ARHGAP22: variants seen among roughly 807,000 people sequenced by gnomAD.
ARHGAP22 encodes Rho GTPase activating protein 22.
A neutral mutation model predicts 59.1 loss-of-function variants in ARHGAP22; 48 were observed. The ratio of observed to expected loss-of-function variants is 0.81; its 90% CI spans 0.64 to 1.03. ARHGAP22 has a LOEUF of 1.03. Among genes scored for constraint, ARHGAP22 ranks in the 50% least tolerant of loss-of-function variants. The probability of loss-of-function intolerance (pLI) is 0.00; values close to 1 mark genes in which losing one functional copy is unlikely to be tolerated. For synonymous variants in ARHGAP22, 445 were observed against 416.4 expected (o/e 1.07, Z -0.84); for missense variants, 1,015 against 958.7 (o/e 1.06, Z -0.78).
Position 48,455,087 on chromosome 10 carries a change from C to A in ARHGAP22, c.707G>T (p.Arg236Leu), listed in dbSNP as rs748513396. 6.2e-7 allele frequency: 1 copy of A among 1,612,234 alleles called. No homozygotes were observed. Among genetic ancestry groups the A allele is most frequent in the South Asian group, 1.1e-5 (1 of 90,954 alleles). The change falls in exon 6 of 10, where the codon CGG becomes CTG. Residue 236 changes from arginine to leucine, a missense_variant. Transcript: ENST00000249601. ...GGGGACCACGGGCTCGGGGAGCTCC[C>A]GCAGGTACAGCTTCAGCAGGGAGGC... is the stretch of plus-strand genomic sequence containing the variant. Reference protein sequence around the residue: ...TVASLLKLYLRELPEPVVPFA... With the variant: ...TVASLLKLYLLELPEPVVPFA...
At chr10:48,580,030 G>GA (rs1159651024) in intron 2 of ARHGAP22, among the ~76,000 whole-genome samples, 1 of 152,174 alleles carries the variant, frequency 6.6e-6, no homozygotes, top group Non-Finnish European at 1.5e-5. Context: ...GGGGAAATGG[G>GA]AAGAAGTTTT....
chr10:48,510,061 G>T (rs572455806), intron 3 of ARHGAP22, among the ~76,000 whole-genome samples: 27 of 152,312 alleles, frequency 1.8e-4, no homozygotes, highest in African/African-American at 6.3e-4. Flanking sequence ...CCTGGGGCAA[G>T]TTTTTTACCT....
At chr10:48,457,331 C>T (rs572089460) in intron 5 of ARHGAP22, among the ~76,000 whole-genome samples, 10 of 152,274 alleles carry the variant, frequency 6.6e-5, no homozygotes, top group Admixed American at 5.2e-4. Context: ...CCTGGGTGTC[C>T]GCAGGGCTCC....
chr10:48,558,230 C>A (rs1046640200), intron 2 of ARHGAP22, among the ~76,000 whole-genome samples: 2 of 152,150 alleles, frequency 1.3e-5, no homozygotes, highest in African/African-American at 4.8e-5. Context: ...GAGCTTAAGA[C>A]ATAGTACGTG....
chr10:48,598,537 T>C (rs1016567873), intron 1 of ARHGAP22, among the ~76,000 whole-genome samples: 1 of 152,088 alleles, frequency 6.6e-6, no homozygotes, highest in Non-Finnish European at 1.5e-5. Context: ...GGCCCCTGTG[T>C]CTCCCTCTCC....
chr10:48,537,959 C>T (rs2055536204), intron 3 of ARHGAP22, among the ~76,000 whole-genome samples: 1 of 152,218 alleles, frequency 6.6e-6, no homozygotes, highest in South Asian at 2.1e-4. Flanking sequence ...AGCATGGGCC[C>T]TGCTGCGGAG....
At chr10:48,530,124 C>G (rs921270655) in intron 3 of ARHGAP22, among the ~76,000 whole-genome samples, 6 of 150,074 alleles carry the variant, frequency 4.0e-5, no homozygotes, top group Admixed American at 6.7e-5. Flanking sequence ...GTATTCCCAG[C>G]TACTTGGGAG....
At chr10:48,638,722 G>A (rs550854025) in intron 1 of ARHGAP22, among the ~76,000 whole-genome samples, 228 of 152,194 alleles carry the variant, frequency 1.5e-3, no homozygotes, top group African/African-American at 5.1e-3. Flanking sequence ...TCTAGGCACC[G>A]TGCAAAGAGC....
intron 3 of ARHGAP22, among the ~76,000 whole-genome samples, chr10:48,499,610 G>C (rs1157520634): frequency 1.3e-5 from 2 of 152,192 alleles, no homozygotes; most frequent in Non-Finnish European, 2.9e-5. Context: ...TCACCAACCA[G>C]ACAAGAGAAA....
rs575338934 is a variant in ARHGAP22 at position 48,577,902 on chromosome 10, A to G, written c.234+5051T>C. 2.6e-4 allele frequency among the ~76,000 whole-genome samples: 35 copies of G among 135,464 alleles called. No individual in the cohort carries two copies. The East Asian group carries it at 6.8e-3, about 26-fold the overall frequency. 88.9% of individuals were successfully genotyped at this position (135,464 alleles called of 152,430 possible). A position where few individuals can be genotyped will look rare whatever the true frequency, so the allele number is the denominator to read the frequency against. ...TATCTTGTCTCAACCTCTACCTCCC[A>G]GGTTCAAGCAAGTCTCCTGTCTCAG... is the stretch of plus-strand genomic sequence containing the variant. On this transcript the variant is annotated intron_variant, in intron 2 of 9. Transcript: ENST00000249601.
intron 1 of ARHGAP22, among the ~76,000 whole-genome samples, chr10:48,619,471 T>C (rs2061207454): frequency 6.6e-6 from 1 of 152,158 alleles, no homozygotes; most frequent in Admixed American, 6.5e-5. Context: ...CCAAAGAGCA[T>C]GATACTGGCA....
intron 1 of ARHGAP22, among the ~76,000 whole-genome samples, chr10:48,614,825 A>G (rs2061020247): frequency 6.6e-6 from 1 of 152,232 alleles, no homozygotes; most frequent in Admixed American, 6.5e-5. Flanking sequence ...AATGGACTTC[A>G]TCTGCAAATA....
rs574458553 is a variant in ARHGAP22, at chr10:48,498,434, A to G, written c.323-18670T>C. On this transcript the variant is annotated intron_variant, in intron 3 of 9. Coordinates refer to ENST00000249601, the MANE Select transcript of ARHGAP22 (RefSeq NM_021226.4). ...CTTCTGGCCCCTTGCCCAAGCCAGG[A>G]GCCAGTGAAGTGAAGTGGCCCACAT... Among the ~76,000 whole-genome samples the G allele has an allele frequency of 6.1e-3, 933 of 152,240 alleles. 7 individuals are homozygous for G. The highest frequency in any genetic ancestry group is 0.014 in the Middle Eastern group (4 of 294).
At chr10:48,553,143 G>T (rs2135288816) in intron 3 of ARHGAP22, among the ~76,000 whole-genome samples, 1 of 152,354 alleles carries the variant, frequency 6.6e-6, no homozygotes, top group East Asian at 1.9e-4. Flanking sequence ...CCACTCTTGG[G>T]CCCCGGGCAG....
rs1308725551 is a variant in ARHGAP22, at chr10:48,446,144, T to C, written c.*247A>G. 4 of 544,796 alleles carry C rather than the reference T, an allele frequency of 7.3e-6. No homozygotes were observed. Among genetic ancestry groups the C allele is most frequent in the Middle Eastern group, 4.8e-4 (1 of 2,070 alleles). 33.7% of individuals were successfully genotyped at this position (544,796 alleles called of 1,614,324 possible). ...TGAAGGATATTTCCTGGGTAAGGGC[T>C]AAGCGCTACTCTTGGTACCGTCCCC... On this transcript the variant is annotated 3_prime_UTR_variant, in exon 10 of 10. Transcript: ENST00000249601.
intron 1 of ARHGAP22, among the ~76,000 whole-genome samples, chr10:48,635,281 G>T (rs1234427797): frequency 6.6e-6 from 1 of 152,196 alleles, no homozygotes; most frequent in Non-Finnish European, 1.5e-5. Flanking sequence ...GTCTCCTCAG[G>T]CATGACTAGT....
intron 1 of ARHGAP22, among the ~76,000 whole-genome samples, chr10:48,586,242 G>C (rs1199555201): frequency 6.6e-6 from 1 of 152,146 alleles, no homozygotes; most frequent in East Asian, 1.9e-4. Flanking sequence ...AAGAAATACA[G>C]GCTTTGGACT....
intron 1 of ARHGAP22, among the ~76,000 whole-genome samples, chr10:48,587,300 G>C (rs951928123): frequency 2.6e-5 from 4 of 152,264 alleles, no homozygotes; most frequent in Admixed American, 2.6e-4. Context: ...AGGTGGAGCT[G>C]ACAAGTGTTA....
At chr10:48,493,252 G>A (rs962222363) in intron 3 of ARHGAP22, among the ~76,000 whole-genome samples, 4 of 152,184 alleles carry the variant, frequency 2.6e-5, no homozygotes, top group South Asian at 2.1e-4. Flanking sequence ...CCCTAGCGGC[G>A]GCCTCACCCT....
Sources: gnomAD v4.1 joint callset for allele counts (sites outside exome capture counted in the v4.1 genomes callset) on GRCh38, gnomAD v4.1.1 for gene constraint, MANE v1.5 for transcripts, NCBI Gene and HGNC (gene_info 2026-07-23, HGNC 2026-07-21) for gene names.